The following BCAR3 variants were observed in gnomAD, a reference collection of about 807,000 sequenced individuals.
The protein encoded by BCAR3 is BCAR3 adaptor protein, NSP family member.
Under a neutral mutation model 80.1 loss-of-function variants are expected in BCAR3, and 37 were observed. That is an observed-to-expected ratio of 0.46 (90% CI 0.36 to 0.61). The LOEUF is 0.61. Among genes scored for constraint, BCAR3 ranks in the 20% least tolerant of loss-of-function variants. The pLI, the probability that BCAR3 is intolerant of heterozygous loss-of-function variation, is 0.00. For missense variants in BCAR3, 978 were observed against 1,068.2 expected, an observed-to-expected ratio of 0.92 and a Z score of 1.18; for synonymous variants, 389 against 418.9, an observed-to-expected ratio of 0.93 and a Z score of 0.87.
chr1:93,668,268 G>A (rs1460953799), intron 2 of BCAR3, among the ~76,000 whole-genome samples: 1 of 152,170 alleles, frequency 6.6e-6, no homozygotes, highest in Non-Finnish European at 1.5e-5. Flanking sequence ...CCCCAGAACA[G>A]CTGAGAATGC....
At chr1:93,630,880 A>G (rs934657305) in intron 3 of BCAR3, among the ~76,000 whole-genome samples, 30 of 152,344 alleles carry the variant, frequency 2.0e-4, no homozygotes, top group African/African-American at 7.0e-4. Context: ...ATTTACTGTT[A>G]AGGAAATTGA....
At chr1:93,757,830 A>C (rs1651798870) in intron 2 of BCAR3, among the ~76,000 whole-genome samples, 1 of 152,210 alleles carries the variant, frequency 6.6e-6, no homozygotes, top group African/African-American at 2.4e-5. Flanking sequence ...GCCATGGGTC[A>C]GGTTGTCTGG....
intron 3 of BCAR3, among the ~76,000 whole-genome samples, chr1:93,632,188 G>T (rs1675643289): frequency 6.6e-6 from 1 of 152,142 alleles, no homozygotes; most frequent in Non-Finnish European, 1.5e-5. Context: ...ATTTGCCCAA[G>T]GACTCACTTT....
At chr1:93,731,984 C>G (rs1347610563) in intron 2 of BCAR3, among the ~76,000 whole-genome samples, 1 of 152,182 alleles carries the variant, frequency 6.6e-6, no homozygotes, top group Non-Finnish European at 1.5e-5. Flanking sequence ...GCCTGGCAGG[C>G]AAAGCTGGGA....
intron 11 of BCAR3, among the ~76,000 whole-genome samples, chr1:93,566,733 G>A (rs947750662): frequency 2.0e-5 from 3 of 152,128 alleles, no homozygotes; most frequent in Non-Finnish European, 4.4e-5. Context: ...ATAAGTGGTA[G>A]GCAAGTTGGC....
intron 3 of BCAR3, among the ~76,000 whole-genome samples, chr1:93,628,064 T>C (rs1365734813): frequency 1.3e-5 from 2 of 152,172 alleles, no homozygotes; most frequent in African/African-American, 4.8e-5. Flanking sequence ...ACCCATTATG[T>C]GACACTGAAT....
At chr1:93,710,566 C>A (rs1649984559) in intron 2 of BCAR3, among the ~76,000 whole-genome samples, 1 of 152,148 alleles carries the variant, frequency 6.6e-6, no homozygotes, top group Non-Finnish European at 1.5e-5. Context: ...ACCCCCAGGC[C>A]ACACCCAGCA....
At chr1:93,822,399 G>A (rs1472775686) in intron 2 of BCAR3, among the ~76,000 whole-genome samples, 1 of 151,636 alleles carries the variant, frequency 6.6e-6, no homozygotes, top group Non-Finnish European at 1.5e-5. Flanking sequence ...GAGTGCAATG[G>A]CGTGGTCTTG....
intron 3 of BCAR3, among the ~76,000 whole-genome samples, chr1:93,609,110 G>A (rs1324436292): frequency 6.6e-6 from 1 of 152,166 alleles, no homozygotes. Context: ...CAAGTTCCAG[G>A]GGCCTGGCAC....
chr1:93,831,610 C>T (rs2100834574), intron 2 of BCAR3, among the ~76,000 whole-genome samples: 1 of 152,250 alleles, frequency 6.6e-6, no homozygotes, highest in East Asian at 1.9e-4. Context: ...TCTTCTTTCT[C>T]TCCTGTCTGT....
At chr1:93,817,579 C>T (rs1241191544) in intron 2 of BCAR3, among the ~76,000 whole-genome samples, 1 of 152,168 alleles carries the variant, frequency 6.6e-6, no homozygotes, top group African/African-American at 2.4e-5. Flanking sequence ...TAGGCTGGCT[C>T]TAAAGCCTGT....
chr1:93,566,791 G>A (rs1244756420), intron 11 of BCAR3, among the ~76,000 whole-genome samples: 5 of 152,140 alleles, frequency 3.3e-5, no homozygotes, highest in East Asian at 1.9e-4. Flanking sequence ...GCAGTGGTGC[G>A]ATCTCGGCTC....
At chr1:93,820,666 C>T (rs1490989708) in intron 2 of BCAR3, among the ~76,000 whole-genome samples, 1 of 152,174 alleles carries the variant, frequency 6.6e-6, no homozygotes, top group Non-Finnish European at 1.5e-5. Context: ...CCTGGAAGCT[C>T]TCTGAATAAC....
At chr1:93,699,751 C>A (rs1649569770) in intron 3 of BCAR3, among the ~76,000 whole-genome samples, 1 of 152,168 alleles carries the variant, frequency 6.6e-6, no homozygotes, top group African/African-American at 2.4e-5. Context: ...GCCAAGTTTA[C>A]TGAGTGCTTA....
chr1:93,778,283 T>C (rs1379971713), intron 2 of BCAR3, among the ~76,000 whole-genome samples: 1 of 152,226 alleles, frequency 6.6e-6, no homozygotes, highest in African/African-American at 2.4e-5. Flanking sequence ...AGGAAACAGA[T>C]TTAAGATAAG....
rs368442393 is a variant in BCAR3 at position 93,783,053 on chromosome 1, T to C, written c.-63+62514A>G. Among the ~76,000 whole-genome samples, 140 of 152,336 alleles carry C rather than the reference T, an allele frequency of 9.2e-4. 4 individuals are homozygous for C. In the South Asian group the frequency reaches 0.028, roughly 30 times the overall value. On this transcript the variant is annotated intron_variant, in intron 2 of 13. Transcript: ENST00000370244. The stretch of plus-strand genomic sequence containing the variant: ...CATGAACTGGCAAAATCTAAGAAGA[T>C]TGACAATATCAGAGGATGTGGAGCC...
intron 2 of BCAR3, chr1:93,845,488 AT>A (rs1655128378): frequency 4.6e-5 from 3 of 65,130 alleles, no homozygotes; most frequent in Admixed American, 1.5e-4. Flanking sequence ...ATATATATAT[AT>A]ATATATATAT....
At position 93,643,666 on chromosome 1, in the gene BCAR3, G is replaced by T. The variant is rs146081756; in HGVS notation, c.318-1323C>A. ...GGAAATGGGGAGATGTAGGTCAAAGGATAAAAAGCAGCAGATACGTAGGAT... is the reference window on the plus strand; with the variant it reads ...GGAAATGGGGAGATGTAGGTCAAAGTATAAAAAGCAGCAGATACGTAGGAT... On this transcript the variant is annotated intron_variant, in intron 2 of 11. Transcript: ENST00000260502. Among the ~76,000 whole-genome samples the T allele has an allele frequency of 2.0e-5, 3 of 151,656 alleles. No homozygotes were observed. The East Asian group carries it at 5.8e-4, about 29-fold the overall frequency.
At chr1:93,831,903 T>C (rs1654581498) in intron 2 of BCAR3, among the ~76,000 whole-genome samples, 1 of 152,236 alleles carries the variant, frequency 6.6e-6, no homozygotes. Context: ...AATGCTCCTT[T>C]TACTTTATCT....
Sources: allele counts gnomAD v4.1 joint callset (sites outside exome capture counted in the v4.1 genomes callset), GRCh38; gene constraint gnomAD v4.1.1; transcripts MANE v1.5; gene names NCBI Gene and HGNC (gene_info 2026-07-23, HGNC 2026-07-21).